Variants in CEP295 observed in about 807,000 individuals in gnomAD.
CEP295 encodes the protein centrosomal protein 295.
In CEP295, 190 loss-of-function variants were observed where a neutral mutation model predicts 291.6. The observed-to-expected ratio is 0.65, with a 90% CI of 0.58 to 0.73. CEP295 has a LOEUF of 0.73. Ranked by LOEUF, CEP295 falls within the 30% of genes least tolerant of loss-of-function variation. The probability of loss-of-function intolerance (pLI) is 0.00; values close to 1 mark genes in which losing one functional copy is unlikely to be tolerated. For synonymous variants in CEP295, 993 were observed against 1,038.8 expected, an observed-to-expected ratio of 0.96 and a Z score of 0.85; for missense variants, 2,863 against 2,949.4, an observed-to-expected ratio of 0.97 and a Z score of 0.68.
At position 93,696,905 on chromosome 11, in the gene CEP295, C is replaced by T; in HGVS notation, c.1993C>T (p.Gln665Ter). 1 of 1,551,994 alleles carries T rather than the reference C, an allele frequency of 6.4e-7. No individual in the cohort carries two copies. The highest frequency in any genetic ancestry group is 1.2e-5 in the South Asian group (1 of 84,062). ...CAAATACCAACCCATACAACCTATA[C>T]AGACCTCCAAATTAGAACAAGATCA... ...PNKYQPIQPI[Q>*]TSKLEQDHFQ... is the part of the protein sequence containing the mutation. The change falls in exon 15 of 30, where the codon CAG becomes TAG. Residue 665 changes from glutamine to a stop codon, truncating the protein, a stop_gained. Coordinates refer to ENST00000325212, the MANE Select transcript of CEP295 (RefSeq NM_033395.2). LOFTEE classifies it high-confidence loss of function.
chr11:93,724,475 T>G, intron 22 of CEP295, 100 bp downstream of exon 22: 1 of 1,209,640 alleles, frequency 8.3e-7, no homozygotes, highest in South Asian at 1.4e-5. Context: ...TTACCTAGAA[T>G]CACATGGAAG....
rs1258789614 is a variant in CEP295, at chr11:93,727,066, A to T, written c.6590A>T (p.Glu2197Val). 6.4e-7 allele frequency: 1 copy of T among 1,551,706 alleles called. No individual in the cohort carries two copies. The highest frequency in any genetic ancestry group is 8.7e-7 in the Non-Finnish European group (1 of 1,146,780). Residue 2197 changes from glutamate to valine, a missense_variant, in exon 24 of 30, where the codon GAA (glutamate) becomes GTA (valine). By Grantham distance (121) the Glu-to-Val change is moderately radical. Around this residue, in one of 3 missense-constraint regions of CEP295, gnomAD observed 2,295 missense variants for 2,335.7 expected, o/e 0.98. Coordinates refer to ENST00000325212, the MANE Select transcript of CEP295 (RefSeq NM_033395.2). ...GATCTACCAAGTATTTTTAGCATTG[A>T]AGCAAGAGATTCTTCCCAAGGCATG... The part of the protein sequence containing the change: ...HADLPSIFSI[E>V]ARDSSQGMKN...
chr11:93,687,561 C>G (rs1271945061), intron 9 of CEP295, 83 bp from the exon 10 acceptor site: 6 of 699,698 alleles, frequency 8.6e-6, no homozygotes, highest in Non-Finnish European at 1.4e-5. Flanking sequence ...GTGGTTATAG[C>G]AGTAACCGAA....
chr11:93,694,854 G>A (rs567927283), intron 12 of CEP295, among the ~76,000 whole-genome samples: 2 of 152,316 alleles, frequency 1.3e-5, no homozygotes, highest in South Asian at 4.1e-4. Context: ...AAGCTAAATT[G>A]CAGATAGGAG....
At position 93,728,788 on chromosome 11, in the gene CEP295, G is replaced by C. The variant is rs1200162824; in HGVS notation, c.7269G>C (p.Glu2423Asp). The C allele has an allele frequency of 6.5e-7, 1 of 1,548,584 alleles. No individual in the cohort carries two copies. The highest frequency in any genetic ancestry group is 2.0e-5 in the Admixed American group (1 of 50,316). The change falls in exon 25 of 30, where the codon GAG becomes GAC. Residue 2423 changes from glutamate to aspartate, a missense_variant. Glu to Asp is a conservative substitution (Grantham distance 45, BLOSUM62 2). Transcript: ENST00000325212. ...ATTTTGCAAATTTAACCCTAGAAGA[G>C]AAGAGCGAGAATGAAGCAAAATGCT... ...EMDFANLTLE[E>D]KSENEAKCFF...
At chr11:93,665,071 A>G (rs1950146160) in intron 1 of CEP295, among the ~76,000 whole-genome samples, 1 of 152,208 alleles carries the variant, frequency 6.6e-6, no homozygotes, top group Non-Finnish European at 1.5e-5. Flanking sequence ...TGCAACAGGA[A>G]TTATCAGAGG....
At chr11:93,678,195 A>C (rs914657864) in intron 6 of CEP295, among the ~76,000 whole-genome samples, 16 of 152,170 alleles carry the variant, frequency 1.1e-4, no homozygotes, top group African/African-American at 3.4e-4. Context: ...ATTCATAAAC[A>C]ACTTTTTTCT....
At chr11:93,693,271 T>C (rs1270401751) in intron 12 of CEP295, among the ~76,000 whole-genome samples, 5 of 151,728 alleles carry the variant, frequency 3.3e-5, no homozygotes, top group Non-Finnish European at 7.4e-5. Context: ...AGCCAGACTC[T>C]GTCTCAAAAA....
chr11:93,695,679 G>A, intron 13 of CEP295, 45 bp downstream of exon 13: 1 of 1,469,076 alleles, frequency 6.8e-7, no homozygotes, highest in Non-Finnish European at 8.9e-7. Context: ...ATTTGGTAAG[G>A]GGGGCAAGAA....
chr11:93,710,451 C>T (rs1358819765), intron 18 of CEP295, among the ~76,000 whole-genome samples: 3 of 152,144 alleles, frequency 2.0e-5, no homozygotes, highest in Non-Finnish European at 4.4e-5. Context: ...TACATTGAAC[C>T]ATCCTTGCAT....
At chr11:93,671,705 T>G (rs1036810114) in intron 5 of CEP295, among the ~76,000 whole-genome samples, 8 of 152,128 alleles carry the variant, frequency 5.3e-5, no homozygotes, top group African/African-American at 1.4e-4. Context: ...ATTTATGGCA[T>G]AGAAGGGAGG....
At chr11:93,721,201 A>G in intron 18 of CEP295, 111 bp from the exon 19 acceptor site, 1 of 656,304 alleles carries the variant, frequency 1.5e-6, no homozygotes, top group Non-Finnish European at 2.7e-6. Context: ...GCAAAATGAG[A>G]AAGTAGATTG....
At chr11:93,671,184 C>T (rs933239307) in intron 5 of CEP295, among the ~76,000 whole-genome samples, 2 of 152,122 alleles carry the variant, frequency 1.3e-5, no homozygotes, top group Non-Finnish European at 1.5e-5. Context: ...CACCCAGCCT[C>T]GTTCCTTTTA....
At chr11:93,700,668 G>T (rs764737351) in intron 15 of CEP295, among the ~76,000 whole-genome samples, 2 of 151,820 alleles carry the variant, frequency 1.3e-5, no homozygotes, top group African/African-American at 4.8e-5. Context: ...GGGATTACAG[G>T]TGTGAGCCAC....
intron 18 of CEP295, among the ~76,000 whole-genome samples, 199 bp from the exon 19 acceptor site, chr11:93,721,113 A>G (rs1041858777): frequency 2.0e-5 from 3 of 152,230 alleles, no homozygotes; most frequent in Admixed American, 1.3e-4. Flanking sequence ...AGGAAAAAGT[A>G]TATTGTGCTG....
intron 22 of CEP295, among the ~76,000 whole-genome samples, chr11:93,725,094 AAAAACAC>A (rs1954044458): frequency 6.6e-6 from 1 of 151,904 alleles, no homozygotes; most frequent in East Asian, 1.9e-4. Flanking sequence ...ATCTCTACTA[AAAAACAC>A]AAAAATTAGT....
At chr11:93,672,902 A>G (rs1484284738) in intron 5 of CEP295, among the ~76,000 whole-genome samples, 2 of 152,232 alleles carry the variant, frequency 1.3e-5, no homozygotes, top group African/African-American at 2.4e-5. Flanking sequence ...AATTCAATCT[A>G]TACATAATTG....
At chr11:93,672,979 A>G (rs1950521887) in intron 5 of CEP295, among the ~76,000 whole-genome samples, 1 of 152,224 alleles carries the variant, frequency 6.6e-6, no homozygotes, top group Non-Finnish European at 1.5e-5. Flanking sequence ...ATCAAATTAC[A>G]TCATTTTAGA....
At chr11:93,729,109 CAG>C in intron 25 of CEP295, 1 of 490,552 alleles carries the variant, frequency 2.0e-6, no homozygotes, top group East Asian at 3.3e-5. Context: ...AACTTATTCC[CAG>C]ATATTGAAAA....
Sources: gnomAD v4.1 joint callset for allele counts (sites outside exome capture counted in the v4.1 genomes callset) on GRCh38, gnomAD v4.1.1 for gene constraint, gnomAD v4.1.1 regional missense constraint, MANE v1.5 for transcripts, NCBI Gene and HGNC (gene_info 2026-07-23, HGNC 2026-07-21) for gene names.